CPA4: variants seen among roughly 807,000 people sequenced by gnomAD.
CPA4 encodes the protein carboxypeptidase A3.
Under a neutral mutation model 54.7 loss-of-function variants are expected in CPA4, and 49 were observed. The observed-to-expected ratio is 0.90, with a 90% CI of 0.71 to 1.14. The LOEUF (loss-of-function observed/expected upper bound fraction) is 1.14, where lower values mean the gene tolerates loss of function less well. Among genes scored for constraint, CPA4 ranks in the 50% most tolerant of loss-of-function variants. The pLI is 0.00. For missense variants in CPA4, 487 were observed against 525.1 expected (o/e 0.93, Z 0.71); for synonymous variants, 215 against 206.8 (o/e 1.04, Z -0.34).
At chr7:130,296,879 G>A (rs3823577) in intron 1 of CPA4, among the ~76,000 whole-genome samples, 8,085 of 151,580 alleles carry the variant, frequency 0.053, 255 homozygotes, top group Middle Eastern at 0.086. Flanking sequence ...ATGATAGAGC[G>A]TGAGTTCAGC....
chr7:130,300,028 G>A (rs899873921), intron 3 of CPA4, among the ~76,000 whole-genome samples: 3 of 152,182 alleles, frequency 2.0e-5, no homozygotes, highest in Non-Finnish European at 4.4e-5. Context: ...CCTTCACCGA[G>A]GTGGGTTATG....
In CPA4 at chr7:130,301,051, C is replaced by T; in HGVS notation, c.384+137C>T. On this transcript the variant is annotated intron_variant, in intron 4 of 10. Transcript: ENST00000222482. Reference sequence around the variant, plus strand: ...GGGCTAAAATGTGTACACTTCAATTCCTTTCTAATTCTTGGATTGCTGAAC... The same window carrying T: ...GGGCTAAAATGTGTACACTTCAATTTCTTTCTAATTCTTGGATTGCTGAAC... 4.8e-6 allele frequency: 3 copies of T among 629,310 alleles called. No individual in the cohort carries two copies. In the East Asian group the frequency reaches 8.2e-5, roughly 17 times the overall value. The allele number at this position is 629,310 out of a possible 1,614,324, so 39.0% of individuals were successfully genotyped here.
Position 130,299,315 on chromosome 7 carries a change from G to A in CPA4, c.196G>A (p.Val66Ile). The change falls in exon 3 of 11, where the codon GTC (valine) becomes ATC (isoleucine). Residue 66 changes from valine to isoleucine, a missense_variant. Physicochemically the swap from Val to Ile is conservative, Grantham distance 29. Coordinates refer to ENST00000222482, the MANE Select transcript of CPA4 (RefSeq NM_016352.4). ...CTCCTCCTTCAATCGGCCTGTGGAT[G>A]TCCTGGTCCCATCTGTCAGTCTGCA... ...SPSSFNRPVD[V>I]LVPSVSLQAF... 1 of 1,613,228 alleles carries A rather than the reference G, an allele frequency of 6.2e-7. No individual in the cohort carries two copies.
rs760210310 is a variant in CPA4, at chr7:130,298,808, T to G, written c.131T>G (p.Val44Gly). 7.5e-6 allele frequency: 12 copies of G among 1,608,672 alleles called. No homozygotes were observed. The highest frequency in any genetic ancestry group is 1.0e-5 in the Non-Finnish European group (12 of 1,174,938). ...GDEISKLSQL[V>G]NSNNLKLNFW... ...GAGATCAGCAAATTGAGTCAACTAG[T>G]GAATTCAAACAACTTGAAGGTACCT... The change falls in exon 2 of 11, where the codon GTG becomes GGG. Residue 44 changes from valine (V) to glycine (G), a missense_variant. Val to Gly is a moderately radical substitution (Grantham distance 109). Transcript: ENST00000222482.
In CPA4 at chr7:130,306,849, C is replaced by T; in HGVS notation, c.654C>T (p.Phe218=). Residue 218 remains phenylalanine (F), a synonymous_variant, in exon 7 of 11, where the codon TTC becomes TTT. Coordinates refer to ENST00000222482, the MANE Select transcript of CPA4 (RefSeq NM_016352.4). The part of the protein sequence containing the change: ...ITSILEKMDI[F]LLPVANPDGY... ...CCATCTTGGAGAAAATGGATATTTTCTTGTTGCCTGTGGCCAATCCTGATG... is the reference window on the plus strand; with the variant it reads ...CCATCTTGGAGAAAATGGATATTTTTTTGTTGCCTGTGGCCAATCCTGATG... 1 of 1,612,260 alleles carries T rather than the reference C, an allele frequency of 6.2e-7. No homozygotes were observed. Among genetic ancestry groups the T allele is most frequent in the African/African-American group, 1.3e-5 (1 of 75,014 alleles).
intron 10 of CPA4, among the ~76,000 whole-genome samples, chr7:130,315,639 C>T (rs574322474): frequency 1.3e-4 from 20 of 152,140 alleles, no homozygotes; most frequent in African/African-American, 4.6e-4. Context: ...AATAGAAATT[C>T]GATTGTTGGA....
chr7:130,319,434 T>C (rs751487366), intron 10 of CPA4, among the ~76,000 whole-genome samples: 1 of 152,174 alleles, frequency 6.6e-6, no homozygotes, highest in African/African-American at 2.4e-5. Context: ...ACAAAAGACA[T>C]GTACAGGGGC....
At chr7:130,306,076 A>AC (rs1793816294) in intron 6 of CPA4, 156 bp downstream of exon 6, 1 of 631,884 alleles carries the variant, frequency 1.6e-6, no homozygotes, top group South Asian at 1.9e-5. Flanking sequence ...AATGGTCAAA[A>AC]CCCCTTGGTC....
intron 1 of CPA4, among the ~76,000 whole-genome samples, chr7:130,297,298 C>T (rs969498450): frequency 7.9e-5 from 12 of 152,094 alleles, no homozygotes; most frequent in Non-Finnish European, 1.5e-4. Context: ...TGGTGCTTGC[C>T]GAGGTCAGGG....
intron 10 of CPA4, among the ~76,000 whole-genome samples, chr7:130,317,404 A>G (rs1794006100): frequency 6.6e-6 from 1 of 152,214 alleles, no homozygotes; most frequent in Non-Finnish European, 1.5e-5. Flanking sequence ...GAAGTGATGC[A>G]TGGCTGTATG....
At chr7:130,306,742 C>G (rs748943831) in intron 6 of CPA4, 45 bp from the exon 7 acceptor site, 1 of 1,137,334 alleles carries the variant, frequency 8.8e-7, no homozygotes, top group Admixed American at 1.7e-5. Flanking sequence ...CCCTAATGGC[C>G]CATCCTGCCA....
chr7:130,298,657 C>T (rs191444115), intron 1 of CPA4, 89 bp from the exon 2 acceptor site: 11 of 782,032 alleles, frequency 1.4e-5, no homozygotes, highest in East Asian at 9.8e-5. Flanking sequence ...GGCCTGGTTA[C>T]GTCTGGGATA....
chr7:130,314,055 A>G (rs796881933), intron 10 of CPA4, among the ~76,000 whole-genome samples: 6 of 152,324 alleles, frequency 3.9e-5, no homozygotes, highest in African/African-American at 1.4e-4. Context: ...GGCACCAGGG[A>G]CAACACAGGT....
rs926191273 is a variant in CPA4, at chr7:130,306,680, G to C, written c.592-107G>C. ...CTTTTGAGGGTGGATGCTGTTCTAG[G>C]AGCATTCATTCTAGCTGGTTGCTGG... is the stretch of plus-strand genomic sequence containing the variant. On this transcript the variant is annotated intron_variant, in intron 6 of 10. Transcript: ENST00000222482. The C allele has an allele frequency of 8.6e-6, 6 of 696,362 alleles. No homozygotes were observed. In the South Asian group the frequency reaches 1.0e-4, roughly 12 times the overall value. The allele number at this position is 696,362 out of a possible 1,614,324, so 43.1% of individuals were successfully genotyped here.
chr7:130,322,500 G>A lies in CPA4; in HGVS notation c.1090G>A (p.Gly364Arg), dbSNP rs142928875. 32 of 1,613,502 alleles carry A rather than the reference G, an allele frequency of 2.0e-5. No individual in the cohort carries two copies. The African/African-American group carries it at 3.5e-4, about 17-fold the overall frequency. ...CCTCCGACTTACAGATCCAGCTAGC[G>A]GGAGCAGCATCGACTGGGCATATGA... ...PTCTTVYPAS[G>R]SSIDWAYDNG... The change falls in exon 11 of 11, where the codon GGG (glycine) becomes AGG (arginine). Residue 364 changes from glycine (G) to arginine (R), a missense_variant. Transcript: ENST00000222482.
chr7:130,313,843 T>G, intron 10 of CPA4, among the ~76,000 whole-genome samples: 1 of 152,224 alleles, frequency 6.6e-6, no homozygotes, highest in East Asian at 1.9e-4. Flanking sequence ...CAAGACTTCG[T>G]TGTAAATACA....
At chr7:130,294,558 C>T (rs540168384) in intron 1 of CPA4, among the ~76,000 whole-genome samples, 3 of 152,344 alleles carry the variant, frequency 2.0e-5, no homozygotes, top group East Asian at 1.9e-4. Flanking sequence ...TGCAGCTATT[C>T]ATGTGGCTGA....
chr7:130,298,393 G>A (rs117586835), intron 1 of CPA4, among the ~76,000 whole-genome samples: 1 of 152,148 alleles, frequency 6.6e-6, no homozygotes, highest in South Asian at 2.1e-4. Context: ...GGGGAAAAAA[G>A]TAAGTCATCC....
Position 130,305,926 on chromosome 7 carries a change from G to T in CPA4, c.591+6G>T, listed in dbSNP as rs1584748812. ...CAATCTGGACGGCAAGGAAGGTCAT[G>T]CTGCGTGGTATTAGCCAGGAATGCT... On this transcript the variant is annotated splice_donor_region_variant and intron_variant, in intron 6 of 10. Coordinates refer to ENST00000222482, the MANE Select transcript of CPA4 (RefSeq NM_016352.4). 1.9e-6 allele frequency: 3 copies of T among 1,609,466 alleles called. No individual in the cohort carries two copies. In the East Asian group the frequency reaches 6.7e-5, roughly 36 times the overall value.
Sources: gnomAD v4.1 joint callset for allele counts (sites outside exome capture counted in the v4.1 genomes callset) on GRCh38, gnomAD v4.1.1 for gene constraint, MANE v1.5 for transcripts, NCBI Gene and HGNC (gene_info 2026-07-23, HGNC 2026-07-21) for gene names.